The following ST8SIA1 variants were observed in gnomAD, a reference collection of about 807,000 sequenced individuals.
ST8SIA1 encodes the protein ST8 alpha-N-acetyl-neuraminide alpha-2,8-sialyltransferase 1, also known as alpha-N-acetylneuraminide alpha-2,8-sialyltransferase.
Under a neutral mutation model 35.9 loss-of-function variants are expected in ST8SIA1, and 16 were observed. That is an observed-to-expected ratio of 0.45 (90% CI 0.30 to 0.68). ST8SIA1 has a LOEUF of 0.68. ST8SIA1 is among the 30% of genes least tolerant of loss of function. The pLI is 0.09. For synonymous variants in ST8SIA1, 170 were observed against 169.6 expected (o/e 1.00, Z -0.02); for missense variants, 383 against 453.6 (o/e 0.84, Z 1.41).
At chr12:22,295,390 C>T (rs1465291758) in intron 1 of ST8SIA1, among the ~76,000 whole-genome samples, 2 of 152,018 alleles carry the variant, frequency 1.3e-5, no homozygotes, top group Non-Finnish European at 1.5e-5. Flanking sequence ...GTAAGTTTTA[C>T]AGGATATGGG....
At position 22,195,527 on chromosome 12, in the gene ST8SIA1, C is replaced by T. The variant is rs973417393; in HGVS notation, c.*6025G>A. ...ACAAATTATGCAGGCAACATTCCAA[C>T]ATTTGGGGAAATCGCAGGGGCCAGC... On this transcript the variant is annotated 3_prime_UTR_variant, in exon 5 of 5. Transcript: ENST00000396037. 1 of 152,206 alleles carries T rather than the reference C, an allele frequency of 6.6e-6. No individual in the cohort carries two copies. Among genetic ancestry groups the T allele is most frequent in the Non-Finnish European group, 1.5e-5 (1 of 68,084 alleles). 9.4% of individuals were successfully genotyped at this position (152,206 alleles called of 1,614,324 possible). A position where few individuals can be genotyped will look rare whatever the true frequency, so the allele number is the denominator to read the frequency against.
chr12:22,287,470 G>A lies in ST8SIA1; in HGVS notation c.237-177C>T, dbSNP rs1164792041. On this transcript the variant is annotated intron_variant, in intron 1 of 4. Coordinates refer to ENST00000396037, the MANE Select transcript of ST8SIA1 (RefSeq NM_003034.4). ...CACTCTTCTAGCCACCAAAATGCGT[G>A]ACTAGACTATTTCACAGCAAAAAAA... is the stretch of plus-strand genomic sequence containing the variant. 2.1e-5 allele frequency among the ~76,000 whole-genome samples: 3 copies of A among 140,844 alleles called. No homozygotes were observed. The East Asian group carries it at 6.2e-4, about 29-fold the overall frequency. The allele number at this position is 140,844 out of a possible 152,430, so 92.4% of individuals were successfully genotyped here. A position where few individuals can be genotyped will look rare whatever the true frequency, so the allele number is the denominator to read the frequency against.
intron 1 of ST8SIA1, chr12:22,325,097 T>A (rs951870532): frequency 4.7e-5 from 10 of 210,704 alleles, no homozygotes; most frequent in African/African-American, 2.3e-4. Context: ...GGCTTTTTCT[T>A]CTTTTTTACT....
chr12:22,329,958 T>G (rs1866738435), intron 1 of ST8SIA1, among the ~76,000 whole-genome samples: 1 of 152,158 alleles, frequency 6.6e-6, no homozygotes, highest in East Asian at 1.9e-4. Flanking sequence ...GTTTGTCCAT[T>G]TCTAATGAGC....
At chr12:22,241,308 G>A (rs888421674) in intron 4 of ST8SIA1, among the ~76,000 whole-genome samples, 4 of 152,090 alleles carry the variant, frequency 2.6e-5, no homozygotes, top group African/African-American at 9.7e-5. Flanking sequence ...TTATGGGGAC[G>A]ATTTCTCATC....
intron 2 of ST8SIA1, among the ~76,000 whole-genome samples, chr12:22,285,886 A>AAAACAAAAAAAAAAAC (rs1555160057): frequency 0.017 from 1,920 of 109,784 alleles, 63 homozygotes; most frequent in African/African-American, 0.051. Flanking sequence ...ACAAAAAAAA[A>AAAACAAAAAAAAAAAC]AAAAAAAAAA....
chr12:22,270,476 C>T (rs1210200370), intron 2 of ST8SIA1, among the ~76,000 whole-genome samples: 3 of 152,148 alleles, frequency 2.0e-5, no homozygotes, highest in Non-Finnish European at 2.9e-5. Flanking sequence ...CTTAAAGTGT[C>T]ACATTTTGCG....
At chr12:22,233,444 T>C (rs1260552923) in intron 4 of ST8SIA1, among the ~76,000 whole-genome samples, 1 of 152,134 alleles carries the variant, frequency 6.6e-6, no homozygotes, top group Non-Finnish European at 1.5e-5. Context: ...ATCTTTGAAA[T>C]ACAGAGTACA....
Position 22,196,720 on chromosome 12 carries a change from G to C in ST8SIA1, c.*4832C>G, listed in dbSNP as rs2120587710. 2 of 152,318 alleles carry C rather than the reference G, an allele frequency of 1.3e-5. 1 individual carries two copies. Among genetic ancestry groups the C allele is most frequent in the South Asian group, 4.1e-4 (2 of 4,826 alleles). 9.4% of individuals were successfully genotyped at this position (152,318 alleles called of 1,614,324 possible). A position where few individuals can be genotyped will look rare whatever the true frequency, so the allele number is the denominator to read the frequency against. ...AATGAGGGGGAAAAGTTCCACTTTA[G>C]AATCACTGGCAGGGCTATAACTAGG... is the stretch of plus-strand genomic sequence containing the variant. On this transcript the variant is annotated 3_prime_UTR_variant, in exon 5 of 5. Transcript: ENST00000396037.
rs1243489052 is a variant in ST8SIA1, at chr12:22,241,440, T to C, written c.584+7566A>G. Among the ~76,000 whole-genome samples, 10 of 152,224 alleles carry C rather than the reference T, an allele frequency of 6.6e-5. No homozygotes were observed. In the South Asian group the frequency reaches 1.9e-3, roughly 28 times the overall value. On this transcript the variant is annotated intron_variant, in intron 4 of 4. Coordinates refer to ENST00000396037, the MANE Select transcript of ST8SIA1 (RefSeq NM_003034.4). ...CTTGCTCCTGCTCCTGCTCGGGCCA[T>C]GTGACATGCCTGCTCCCCCTTTGCC...
At chr12:22,216,195 G>A (rs547939867) in intron 4 of ST8SIA1, among the ~76,000 whole-genome samples, 85 of 152,132 alleles carry the variant, frequency 5.6e-4, no homozygotes, top group South Asian at 1.9e-3. Flanking sequence ...GGTCTCTAAC[G>A]CATAATTCTC....
chr12:22,297,834 C>T (rs1391808548), intron 1 of ST8SIA1, among the ~76,000 whole-genome samples: 2 of 152,098 alleles, frequency 1.3e-5, no homozygotes, highest in Non-Finnish European at 1.5e-5. Context: ...TTTTTGTATG[C>T]TAATGAGTTG....
At chr12:22,211,426 A>G (rs575634596) in intron 4 of ST8SIA1, among the ~76,000 whole-genome samples, 1 of 152,270 alleles carries the variant, frequency 6.6e-6, no homozygotes, top group Admixed American at 6.5e-5. Flanking sequence ...GAAGCTACCT[A>G]GGGGCTGTCA....
Position 22,195,633 on chromosome 12 carries a change from C to T in ST8SIA1, c.*5919G>A, listed in dbSNP as rs1328280963. The T allele has an allele frequency of 1.3e-5, 2 of 152,110 alleles. No homozygotes were observed. The highest frequency in any genetic ancestry group is 4.8e-5 in the African/African-American group (2 of 41,424). 9.4% of individuals were successfully genotyped at this position (152,110 alleles called of 1,614,324 possible). Reference sequence around the variant, plus strand: ...ATAACAGCTGGATGACAAGATATTTCCTTTAAAATATTTCAAAAAGGTTCC... The same window carrying T: ...ATAACAGCTGGATGACAAGATATTTTCTTTAAAATATTTCAAAAAGGTTCC... On this transcript the variant is annotated 3_prime_UTR_variant, in exon 5 of 5. Transcript: ENST00000396037.
At chr12:22,259,858 A>G (rs1372638294) in intron 2 of ST8SIA1, among the ~76,000 whole-genome samples, 1 of 152,220 alleles carries the variant, frequency 6.6e-6, no homozygotes, top group African/African-American at 2.4e-5. Context: ...GCAATGGTCC[A>G]TGTTTTCCAG....
intron 4 of ST8SIA1, among the ~76,000 whole-genome samples, chr12:22,203,234 A>G (rs1865070155): frequency 6.6e-6 from 1 of 152,192 alleles, no homozygotes; most frequent in African/African-American, 2.4e-5. Context: ...GTAGAGAGAG[A>G]GAAAAGCAAT....
At chr12:22,282,629 T>A (rs1472889733) in intron 2 of ST8SIA1, among the ~76,000 whole-genome samples, 1 of 152,200 alleles carries the variant, frequency 6.6e-6, no homozygotes, top group African/African-American at 2.4e-5. Context: ...TATGTAGCCA[T>A]CACTGAGCCC....
intron 4 of ST8SIA1, among the ~76,000 whole-genome samples, chr12:22,206,825 G>A (rs1403196984): frequency 6.6e-6 from 1 of 152,126 alleles, no homozygotes; most frequent in East Asian, 1.9e-4. Context: ...GGGACTCAGA[G>A]GAAACCAAAA....
intron 2 of ST8SIA1, among the ~76,000 whole-genome samples, chr12:22,270,512 A>C (rs1443408220): frequency 2.0e-5 from 3 of 152,206 alleles, no homozygotes; most frequent in African/African-American, 7.2e-5. Context: ...ATTTAAATTA[A>C]CTTACTAATT....
Sources: gnomAD v4.1 joint callset for allele counts (sites outside exome capture counted in the v4.1 genomes callset) on GRCh38, gnomAD v4.1.1 for gene constraint, MANE v1.5 for transcripts, NCBI Gene and HGNC (gene_info 2026-07-23, HGNC 2026-07-21) for gene names.